CHSY3: variants seen among roughly 807,000 people sequenced by gnomAD.
The protein encoded by CHSY3 is N-acetylgalactosaminyl-proteoglycan 3-beta-glucuronosyltransferase 3.
A neutral mutation model predicts 67.2 loss-of-function variants in CHSY3; 35 were observed. That is an observed-to-expected ratio of 0.52 (90% CI 0.40 to 0.69). CHSY3 has a LOEUF of 0.69. Among genes scored for constraint, CHSY3 ranks in the 30% least tolerant of loss-of-function variants. The pLI is 0.00. For missense variants in CHSY3, 1,069 were observed against 1,138.5 expected (o/e 0.94, Z 0.88); for synonymous variants, 474 against 434.7 (o/e 1.09, Z -1.12).
chr5:129,967,701 G>T (rs909701624), intron 2 of CHSY3, among the ~76,000 whole-genome samples: 3 of 151,844 alleles, frequency 2.0e-5, no homozygotes, highest in Non-Finnish European at 4.4e-5. Context: ...TTATACAGAA[G>T]ACGGTGAGTG....
chr5:130,107,805 A>G (rs75984438), intron 2 of CHSY3, among the ~76,000 whole-genome samples: 1 of 151,544 alleles, frequency 6.6e-6, no homozygotes, highest in African/African-American at 2.4e-5. Flanking sequence ...AGCAAGCTCT[A>G]TCCTCTCCAC....
At chr5:130,051,448 C>T (rs76624089) in intron 2 of CHSY3, among the ~76,000 whole-genome samples, 3,274 of 152,090 alleles carry the variant, frequency 0.022, 111 homozygotes, top group African/African-American at 0.072. Flanking sequence ...TTTTTAGACA[C>T]AGTGGGCCTG....
chr5:129,933,219 G>C (rs1384595625), intron 2 of CHSY3, among the ~76,000 whole-genome samples: 1 of 152,110 alleles, frequency 6.6e-6, no homozygotes, highest in Non-Finnish European at 1.5e-5. Flanking sequence ...TGCAAACTCT[G>C]TTAGCCTGGA....
chr5:129,942,737 G>A (rs1210848899), intron 2 of CHSY3, among the ~76,000 whole-genome samples: 1 of 152,140 alleles, frequency 6.6e-6, no homozygotes, highest in Non-Finnish European at 1.5e-5. Context: ...ACCAGATCAA[G>A]GAGAGAGTGT....
intron 2 of CHSY3, among the ~76,000 whole-genome samples, chr5:130,076,191 G>C (rs1164670669): frequency 6.6e-6 from 1 of 152,026 alleles, no homozygotes; most frequent in Non-Finnish European, 1.5e-5. Flanking sequence ...TTTTTTGAGA[G>C]CTATAAGCAT....
chr5:130,144,608 C>A (rs1769015143), intron 2 of CHSY3, among the ~76,000 whole-genome samples: 1 of 151,818 alleles, frequency 6.6e-6, no homozygotes, highest in South Asian at 2.1e-4. Context: ...CAATATAATT[C>A]TTATCAAAAT....
intron 2 of CHSY3, among the ~76,000 whole-genome samples, chr5:130,008,109 A>ACCCC (rs1429189454): frequency 2.0e-5 from 3 of 151,978 alleles, no homozygotes; most frequent in Non-Finnish European, 4.4e-5. Context: ...CTGCTGCTGT[A>ACCCC]CCCCCACTGG....
intron 2 of CHSY3, among the ~76,000 whole-genome samples, chr5:130,075,229 A>G (rs1766212414): frequency 6.6e-6 from 1 of 152,098 alleles, no homozygotes; most frequent in Admixed American, 6.6e-5. Flanking sequence ...AAAGTCAAAC[A>G]CCTTTTTATA....
chr5:130,152,010 G>A (rs1198832481), intron 2 of CHSY3, among the ~76,000 whole-genome samples: 2 of 152,178 alleles, frequency 1.3e-5, no homozygotes, highest in African/African-American at 2.4e-5. Context: ...CCAGGCACTA[G>A]GTGCCCTTGA....
At chr5:130,143,277 T>C (rs1362975548) in intron 2 of CHSY3, among the ~76,000 whole-genome samples, 1 of 152,064 alleles carries the variant, frequency 6.6e-6, no homozygotes, top group African/African-American at 2.4e-5. Context: ...GCAATAACCC[T>C]CCAGAGTAGG....
At chr5:130,051,387 A>G (rs1765351979) in intron 2 of CHSY3, among the ~76,000 whole-genome samples, 1 of 152,124 alleles carries the variant, frequency 6.6e-6, no homozygotes, top group South Asian at 2.1e-4. Flanking sequence ...CAGATCCACT[A>G]AATTTTGATT....
At chr5:130,002,203 A>G (rs2149639712) in intron 2 of CHSY3, 1 of 240,704 alleles carries the variant, frequency 4.2e-6, no homozygotes, top group Admixed American at 6.5e-5. Context: ...AAGCCTATAT[A>G]GTTAAGGAAT....
intron 2 of CHSY3, among the ~76,000 whole-genome samples, chr5:130,132,136 C>T (rs978558221): frequency 6.6e-6 from 1 of 152,136 alleles, no homozygotes; most frequent in Non-Finnish European, 1.5e-5. Context: ...TTGACTTACA[C>T]CAGAATGTAA....
chr5:130,058,927 CCTT>C (rs1377066409), intron 2 of CHSY3, among the ~76,000 whole-genome samples: 4 of 151,976 alleles, frequency 2.6e-5, no homozygotes, highest in Non-Finnish European at 5.9e-5. Context: ...CTTCAAGTGG[CCTT>C]CTTCTCTGTG....
chr5:130,165,261 G>T (rs7717696), intron 2 of CHSY3, among the ~76,000 whole-genome samples: 1 of 152,100 alleles, frequency 6.6e-6, no homozygotes, highest in Non-Finnish European at 1.5e-5. Context: ...TTTGGACCAG[G>T]ATGGTTGCCC....
intron 2 of CHSY3, among the ~76,000 whole-genome samples, chr5:129,988,655 G>A (rs1053181664): frequency 8.5e-5 from 13 of 152,162 alleles, no homozygotes; most frequent in Admixed American, 7.9e-4. Flanking sequence ...TTGTGCAATA[G>A]TATTCTATTA....
At chr5:129,954,119 C>A (rs112161214) in intron 2 of CHSY3, among the ~76,000 whole-genome samples, 1 of 152,122 alleles carries the variant, frequency 6.6e-6, no homozygotes, top group Non-Finnish European at 1.5e-5. Context: ...TTAGGTCTTA[C>A]ATTTAAGTCT....
At chr5:129,965,142 A>C (rs77441017) in intron 2 of CHSY3, among the ~76,000 whole-genome samples, 2 of 152,040 alleles carry the variant, frequency 1.3e-5, no homozygotes, top group East Asian at 3.9e-4. Flanking sequence ...AAGAGGTTAG[A>C]TGGTGTGGGT....
At chr5:129,958,519 A>G (rs1222806931) in intron 2 of CHSY3, among the ~76,000 whole-genome samples, 4 of 152,052 alleles carry the variant, frequency 2.6e-5, no homozygotes, top group African/African-American at 9.7e-5. Flanking sequence ...TAACTTTTGT[A>G]CAAAAGATTT....
Sources: gnomAD v4.1 joint callset for allele counts (sites outside exome capture counted in the v4.1 genomes callset) on GRCh38, gnomAD v4.1.1 for gene constraint, MANE v1.5 for transcripts, NCBI Gene and HGNC (gene_info 2026-07-23, HGNC 2026-07-21) for gene names.